Variants in FTCDNL1 observed in about 807,000 individuals in gnomAD.
FTCDNL1 encodes the protein formiminotransferase N-terminal subdomain-containing protein.
In FTCDNL1, 11 loss-of-function variants were observed where a neutral mutation model predicts 5.9. That is an observed-to-expected ratio of 1.87 (90% CI 1.18 to 3.10). FTCDNL1 has a LOEUF of 3.10. FTCDNL1 is among the 30% of genes most tolerant of loss of function. The probability of loss-of-function intolerance (pLI) is 0.00; values close to 1 mark genes in which losing one functional copy is unlikely to be tolerated. For synonymous variants in FTCDNL1, 58 were observed against 24.8 expected (o/e 2.34, Z -3.99); for missense variants, 115 against 65.5 (o/e 1.76, Z -2.61).
At chr2:199,766,361 G>A (rs975192255) in intron 3 of FTCDNL1, among the ~76,000 whole-genome samples, 4 of 152,162 alleles carry the variant, frequency 2.6e-5, no homozygotes, top group Non-Finnish European at 5.9e-5. Flanking sequence ...AAACTGAACT[G>A]AGACATCATC....
At chr2:199,820,085 A>G (rs2106507971) in intron 3 of FTCDNL1, among the ~76,000 whole-genome samples, 1 of 152,350 alleles carries the variant, frequency 6.6e-6, no homozygotes, top group East Asian at 1.9e-4. Flanking sequence ...GTGGAAATGT[A>G]TATGTAGGAT....
the FTCDNL1 span, among the ~76,000 whole-genome samples, chr2:199,715,862 C>A: frequency 6.6e-6 from 1 of 151,776 alleles, no homozygotes; most frequent in African/African-American, 2.4e-5. Flanking sequence ...AGGAACAGGC[C>A]CCTAGAGCAG....
chr2:199,838,343 TA>T (rs1372844938), intron 3 of FTCDNL1, among the ~76,000 whole-genome samples: 5 of 152,128 alleles, frequency 3.3e-5, no homozygotes, highest in African/African-American at 9.7e-5. Context: ...CAAGATGATT[TA>T]AAATCGCCAA....
chr2:199,706,302 A>G, the FTCDNL1 span, among the ~76,000 whole-genome samples: 1 of 152,142 alleles, frequency 6.6e-6, no homozygotes, highest in Admixed American at 6.6e-5. Flanking sequence ...GATGGAAACC[A>G]CAACATCCCA....
chr2:199,692,278 G>C, the FTCDNL1 span, among the ~76,000 whole-genome samples: 1 of 152,144 alleles, frequency 6.6e-6, no homozygotes. Context: ...TCAAGAAAGA[G>C]AGAAATGCAA....
At chr2:199,731,367 AT>A in the FTCDNL1 span, among the ~76,000 whole-genome samples, 2 of 149,072 alleles carry the variant, frequency 1.3e-5, no homozygotes, top group African/African-American at 2.4e-5. Context: ...AAATAAAAAA[AT>A]GTTTTTAAAA....
intron 3 of FTCDNL1, among the ~76,000 whole-genome samples, chr2:199,765,644 C>T (rs1201980203): frequency 6.9e-6 from 1 of 145,238 alleles, no homozygotes; most frequent in Non-Finnish European, 1.5e-5. Context: ...CAGGTTCAAG[C>T]GATCCTCCCA....
chr2:199,823,371 A>G (rs1701815262), intron 3 of FTCDNL1, among the ~76,000 whole-genome samples: 1 of 152,196 alleles, frequency 6.6e-6, no homozygotes. Flanking sequence ...GGCATCTAGA[A>G]TGGCAAATCC....
chr2:199,751,369 A>G, the FTCDNL1 span, among the ~76,000 whole-genome samples: 1 of 152,296 alleles, frequency 6.6e-6, no homozygotes, highest in African/African-American at 2.4e-5. Flanking sequence ...TCTATTTGTT[A>G]TTTGAAATGA....
At chr2:199,690,237 A>G in the FTCDNL1 span, among the ~76,000 whole-genome samples, 1 of 152,230 alleles carries the variant, frequency 6.6e-6, no homozygotes, top group Non-Finnish European at 1.5e-5. Context: ...GTATGCATCC[A>G]GTGTATTTTA....
chr2:199,748,631 C>T, the FTCDNL1 span, among the ~76,000 whole-genome samples: 23 of 152,234 alleles, frequency 1.5e-4, no homozygotes, highest in South Asian at 3.9e-3. Context: ...TGAGACAGTC[C>T]GTTATCTATA....
the FTCDNL1 span, among the ~76,000 whole-genome samples, chr2:199,735,960 C>T: frequency 6.6e-6 from 1 of 152,200 alleles, no homozygotes. Context: ...CTCTAATAGC[C>T]TTTCCTTTTA....
chr2:199,845,854 A>G lies in FTCDNL1; in HGVS notation c.211+221T>C, dbSNP rs756311213. Among the ~76,000 whole-genome samples the G allele has an allele frequency of 9.2e-5, 14 of 151,828 alleles. No homozygotes were observed. The South Asian group carries it at 1.0e-3, about 11-fold the overall frequency. ...TCAGCAAAAAAAAAAAAAAAAAGTTATGAAATCTTGGACCCCAAGGTTCAC... is the reference window on the plus strand; with the variant it reads ...TCAGCAAAAAAAAAAAAAAAAAGTTGTGAAATCTTGGACCCCAAGGTTCAC... On this transcript the variant is annotated intron_variant, in intron 3 of 4. Coordinates refer to ENST00000420128, the MANE Select transcript of FTCDNL1 (RefSeq NM_001363886.2).
intron 3 of FTCDNL1, among the ~76,000 whole-genome samples, chr2:199,831,386 T>G (rs527685471): frequency 2.0e-5 from 3 of 152,314 alleles, no homozygotes; most frequent in Admixed American, 6.5e-5. Flanking sequence ...TGTTCATCAT[T>G]TCATTATTTG....
rs548171302 is a variant in FTCDNL1, at chr2:199,848,809, A to C, written c.115+39T>G. The stretch of plus-strand genomic sequence containing the variant: ...GTACAAAAATTACTAAATTATCAAA[A>C]CACTATAATATTCAGCTTCAATTGT... On this transcript the variant is annotated intron_variant, in intron 2 of 4. Coordinates refer to ENST00000420128, the MANE Select transcript of FTCDNL1 (RefSeq NM_001363886.2). 3 of 696,796 alleles carry C rather than the reference A, an allele frequency of 4.3e-6. No homozygotes were observed. The Admixed American group carries it at 6.1e-5, about 14-fold the overall frequency. The allele number at this position is 696,796 out of a possible 1,614,324, so 43.2% of individuals were successfully genotyped here.
intron 3 of FTCDNL1, among the ~76,000 whole-genome samples, chr2:199,822,802 T>G (rs566915944): frequency 1.1e-4 from 17 of 152,334 alleles, no homozygotes; most frequent in African/African-American, 3.8e-4. Context: ...GAAACTTCTT[T>G]TATTGCTTCA....
chr2:199,729,150 T>C, the FTCDNL1 span, among the ~76,000 whole-genome samples: 2 of 152,182 alleles, frequency 1.3e-5, no homozygotes, highest in Non-Finnish European at 2.9e-5. Flanking sequence ...GTTGAATATA[T>C]AGAGAACATA....
chr2:199,682,392 CTCTT>C, the FTCDNL1 span, among the ~76,000 whole-genome samples: 2 of 152,168 alleles, frequency 1.3e-5, no homozygotes, highest in African/African-American at 4.8e-5. Context: ...TAAATTAAAT[CTCTT>C]TCTATGTTTA....
intron 3 of FTCDNL1, among the ~76,000 whole-genome samples, chr2:199,840,611 G>A (rs1359211834): frequency 6.6e-6 from 1 of 152,102 alleles, no homozygotes; most frequent in Non-Finnish European, 1.5e-5. Context: ...GTGATATTTC[G>A]ATATCTAGAG....
Sources: gnomAD v4.1 joint callset for allele counts (sites outside exome capture counted in the v4.1 genomes callset) on GRCh38, gnomAD v4.1.1 for gene constraint, MANE v1.5 for transcripts, NCBI Gene and HGNC (gene_info 2026-07-23, HGNC 2026-07-21) for gene names.